The following MAGI1 variants were observed in gnomAD, a reference collection of about 807,000 sequenced individuals.
MAGI1 encodes membrane associated guanylate kinase, WW and PDZ domain containing 1, also known as membrane-associated guanylate kinase, WW and PDZ domain-containing protein 1.
MAGI1 carries 58 observed loss-of-function variants against 139.9 expected under a neutral mutation model. The ratio of observed to expected loss-of-function variants is 0.41; its 90% CI spans 0.34 to 0.52. The LOEUF (loss-of-function observed/expected upper bound fraction) is 0.52, where lower values mean the gene tolerates loss of function less well. MAGI1 is among the 20% of genes least tolerant of loss of function. The probability of loss-of-function intolerance (pLI) is 0.12; values close to 1 mark genes in which losing one functional copy is unlikely to be tolerated. For synonymous variants in MAGI1, 812 were observed against 737.9 expected (o/e 1.10, Z -1.63); for missense variants, 1,874 against 1,901.6 (o/e 0.99, Z 0.27).
At chr3:65,843,999 G>A (rs1458922965) in intron 1 of MAGI1, 5 of 283,416 alleles carry the variant, frequency 1.8e-5, no homozygotes, top group South Asian at 3.4e-5. Context: ...CCAGGCCATC[G>A]AGGGTATGCA....
intron 2 of MAGI1, among the ~76,000 whole-genome samples, chr3:65,610,808 T>TATATAGC (rs2083031416): frequency 8.9e-6 from 1 of 112,900 alleles, no homozygotes; most frequent in Non-Finnish European, 1.9e-5. Context: ...TATATAGGTA[T>TATATAGC]ATATAGTATA....
At chr3:65,496,189 G>A (rs952382819) in intron 2 of MAGI1, among the ~76,000 whole-genome samples, 9 of 150,092 alleles carry the variant, frequency 6.0e-5, no homozygotes, top group East Asian at 4.0e-4. Context: ...CTACAGGCAC[G>A]TGCCACCACA....
At chr3:65,784,662 G>A (rs2039232152) in intron 1 of MAGI1, among the ~76,000 whole-genome samples, 1 of 151,992 alleles carries the variant, frequency 6.6e-6, no homozygotes, top group Non-Finnish European at 1.5e-5. Flanking sequence ...CCGAGATCGC[G>A]CCACTGCACT....
intron 1 of MAGI1, among the ~76,000 whole-genome samples, chr3:65,742,610 T>C (rs933745591): frequency 3.9e-5 from 6 of 152,198 alleles, no homozygotes; most frequent in African/African-American, 1.4e-4. Flanking sequence ...TGTCTGTGCA[T>C]TCCCCAGTGT....
chr3:65,390,922 G>A (rs1943873604), intron 14 of MAGI1, among the ~76,000 whole-genome samples: 2 of 152,138 alleles, frequency 1.3e-5, no homozygotes, highest in South Asian at 4.1e-4. Context: ...GGGCATTTAT[G>A]TGATAACCAT....
chr3:65,499,043 T>C (rs113609151), intron 2 of MAGI1: 5 of 973,004 alleles, frequency 5.1e-6, no homozygotes, highest in Non-Finnish European at 4.8e-6. Context: ...CTCAAACAGA[T>C]AGAAGAAAAC....
chr3:65,848,913 G>C (rs1021825329), intron 1 of MAGI1, among the ~76,000 whole-genome samples: 1 of 146,358 alleles, frequency 6.8e-6, no homozygotes, highest in South Asian at 2.3e-4. Context: ...CCATGTGATT[G>C]GTTCTAGCCA....
At chr3:65,381,846 C>T in intron 16 of MAGI1, 31 bp downstream of exon 16, 1 of 1,562,850 alleles carries the variant, frequency 6.4e-7, no homozygotes, top group South Asian at 1.2e-5. Context: ...AGTGACAACG[C>T]ACTGTCTGAA....
At chr3:66,028,734 G>A (rs539645419) in intron 1 of MAGI1, among the ~76,000 whole-genome samples, 3 of 152,148 alleles carry the variant, frequency 2.0e-5, no homozygotes, top group African/African-American at 4.8e-5. Context: ...GGAGAAACTC[G>A]GGCAACTCAA....
At chr3:65,459,014 G>A (rs188176036) in intron 5 of MAGI1, among the ~76,000 whole-genome samples, 2 of 152,270 alleles carry the variant, frequency 1.3e-5, no homozygotes, top group East Asian at 3.9e-4. Context: ...TCATTCATCT[G>A]TATATGGATA....
intron 2 of MAGI1, among the ~76,000 whole-genome samples, chr3:65,592,676 C>A (rs2082021324): frequency 2.0e-5 from 3 of 152,114 alleles, no homozygotes; most frequent in Non-Finnish European, 4.4e-5. Flanking sequence ...AACAAAGGAA[C>A]ACACGCACAT....
At chr3:65,673,245 G>A (rs2086976474) in intron 1 of MAGI1, among the ~76,000 whole-genome samples, 1 of 152,078 alleles carries the variant, frequency 6.6e-6, no homozygotes. Context: ...CTTTTACATG[G>A]CCAGACACTG....
intron 1 of MAGI1, among the ~76,000 whole-genome samples, chr3:65,763,950 T>C (rs2037256077): frequency 6.6e-6 from 1 of 151,704 alleles, no homozygotes; most frequent in East Asian, 1.9e-4. Flanking sequence ...CTGGCACCTT[T>C]AGTGCCAGCT....
At chr3:65,713,476 A>G (rs2031782703) in intron 1 of MAGI1, among the ~76,000 whole-genome samples, 1 of 152,230 alleles carries the variant, frequency 6.6e-6, no homozygotes, top group Non-Finnish European at 1.5e-5. Flanking sequence ...CTTTTATTAC[A>G]AAGTCCCTTC....
intron 1 of MAGI1, among the ~76,000 whole-genome samples, chr3:65,728,914 T>C (rs1022312725): frequency 6.6e-6 from 1 of 152,166 alleles, no homozygotes; most frequent in Non-Finnish European, 1.5e-5. Context: ...AATACTCATA[T>C]GACATCTCCT....
chr3:65,401,381 C>CCCCCCCCA, intron 13 of MAGI1, 58 bp downstream of exon 13: 1 of 1,323,696 alleles, frequency 7.6e-7, no homozygotes, highest in Non-Finnish European at 1.1e-6. Flanking sequence ...CTCCCACCTC[C>CCCCCCCCA]AGCCCCCCAC....
intron 12 of MAGI1, among the ~76,000 whole-genome samples, chr3:65,421,713 G>C (rs147810149): frequency 6.6e-6 from 1 of 152,118 alleles, no homozygotes; most frequent in Non-Finnish European, 1.5e-5. Flanking sequence ...TAAAAGCTGA[G>C]ATGCTTCCCA....
chr3:65,777,906 A>G (rs1304830871), intron 1 of MAGI1, among the ~76,000 whole-genome samples: 2 of 152,188 alleles, frequency 1.3e-5, no homozygotes, highest in Non-Finnish European at 2.9e-5. Flanking sequence ...GTAAACAATC[A>G]ATAATCCTAA....
chr3:65,848,964 A>C (rs986324021), intron 1 of MAGI1, among the ~76,000 whole-genome samples: 1 of 146,278 alleles, frequency 6.8e-6, no homozygotes, highest in African/African-American at 2.6e-5. Flanking sequence ...TTGCACTCCA[A>C]ACACTTAACT....
Sources: allele counts gnomAD v4.1 joint callset (sites outside exome capture counted in the v4.1 genomes callset), GRCh38; gene constraint gnomAD v4.1.1; transcripts MANE v1.5; gene names NCBI Gene and HGNC (gene_info 2026-07-23, HGNC 2026-07-21).